ASH2L: variants seen among roughly 807,000 people sequenced by gnomAD.
ASH2L encodes the protein set1/Ash2 histone methyltransferase complex subunit ASH2.
In ASH2L, 30 loss-of-function variants were observed where a neutral mutation model predicts 81.1. The ratio of observed to expected loss-of-function variants is 0.37; its 90% CI spans 0.28 to 0.50. ASH2L has a LOEUF of 0.50. Among genes scored for constraint, ASH2L ranks in the 20% least tolerant of loss-of-function variants. The pLI is 0.95. For synonymous variants in ASH2L, 273 were observed against 279.9 expected (o/e 0.98, Z 0.24); for missense variants, 559 against 792.1 (o/e 0.71, Z 3.53).
At chr8:38,126,151 C>G (rs1801836248) in intron 10 of ASH2L, among the ~76,000 whole-genome samples, 1 of 150,940 alleles carries the variant, frequency 6.6e-6, no homozygotes. Flanking sequence ...TGCAGTGAGC[C>G]GAGGTTGCAC....
chr8:38,111,256 C>G (rs1810668473), intron 5 of ASH2L, among the ~76,000 whole-genome samples: 1 of 151,986 alleles, frequency 6.6e-6, no homozygotes, highest in Admixed American at 6.6e-5. Flanking sequence ...GAGAGAGGGT[C>G]TCTGTCACCC....
In ASH2L at chr8:38,110,374, G is replaced by A. The variant is rs1810634630; in HGVS notation, c.402-5G>A. 4.3e-6 allele frequency: 7 copies of A among 1,612,894 alleles called. No individual in the cohort carries two copies. Among genetic ancestry groups the A allele is most frequent in the African/African-American group, 1.3e-5 (1 of 74,888 alleles). On this transcript the variant is annotated splice_region_variant and splice_polypyrimidine_tract_variant and intron_variant, in intron 3 of 15. Coordinates refer to ENST00000343823, the MANE Select transcript of ASH2L (RefSeq NM_004674.5). ...ACTAATTCGTATAATTTGGCTCTTC[G>A]GCAGATCCTGTCTACCTTTCATGAC... is the stretch of plus-strand genomic sequence containing the variant.
At position 38,114,221 on chromosome 8, in the gene ASH2L, G is replaced by A; in HGVS notation, c.615G>A (p.Trp205Ter). Residue 205 changes from tryptophan to a stop codon, truncating the protein, a stop_gained, in exon 6 of 16, where the codon TGG becomes TGA. Coordinates refer to ENST00000343823, the MANE Select transcript of ASH2L (RefSeq NM_004674.5). LOFTEE classifies it high-confidence loss of function. ...TTATACCATTTATTGATAAATACTG[G>A]GAGTGCATGACAACCAGACAGAGAC... ...KDIIPFIDKY[W>*]ECMTTRQRPG... is the part of the protein sequence containing the mutation. The A allele has an allele frequency of 6.2e-7, 1 of 1,602,692 alleles. No homozygotes were observed. The highest frequency in any genetic ancestry group is 8.5e-7 in the Non-Finnish European group (1 of 1,174,372).
Position 38,114,982 on chromosome 8 carries a change from A to G in ASH2L, c.759A>G (p.Lys253=). The change falls in exon 7 of 16, where the codon AAA becomes AAG. Residue 253 remains lysine (K), a synonymous_variant. Transcript: ENST00000343823. ...AAGATCCAGAAGAAGATTACCCCAA[A>G]TTTGGACTTTTGGATCAGGTACATT... ...GSKDPEEDYP[K]FGLLDQDLSN... 2 of 1,611,136 alleles carry G rather than the reference A, an allele frequency of 1.2e-6. No homozygotes were observed.
intron 7 of ASH2L, among the ~76,000 whole-genome samples, chr8:38,115,609 C>T (rs1057219670): frequency 6.6e-6 from 1 of 151,976 alleles, no homozygotes; most frequent in Non-Finnish European, 1.5e-5. Context: ...CAAGACCAGC[C>T]TGGACAATAC....
At chr8:38,121,238 C>A in intron 10 of ASH2L, 89 bp downstream of exon 10, 3 of 1,184,908 alleles carry the variant, frequency 2.5e-6, no homozygotes, top group Non-Finnish European at 3.7e-6. Flanking sequence ...GTGTACATCT[C>A]AGTCTGTTGC....
chr8:38,135,890 G>A (rs1802231701), intron 14 of ASH2L, 124 bp downstream of exon 14: 9 of 655,438 alleles, frequency 1.4e-5, no homozygotes, highest in Non-Finnish European at 2.1e-5. Flanking sequence ...CGCATGTGTT[G>A]TTACCATTAC....
chr8:38,110,166 T>C (rs1178741161), intron 3 of ASH2L, among the ~76,000 whole-genome samples: 1 of 152,176 alleles, frequency 6.6e-6, no homozygotes, highest in Admixed American at 6.5e-5. Flanking sequence ...GAAAATTAGC[T>C]GGGCATGGTG....
At chr8:38,115,633 T>C (rs1381168479) in intron 7 of ASH2L, among the ~76,000 whole-genome samples, 1 of 151,938 alleles carries the variant, frequency 6.6e-6, no homozygotes, top group Non-Finnish European at 1.5e-5. Context: ...AAGACCTGTC[T>C]CTCAAAAAAG....
At chr8:38,138,942 C>G in intron 15 of ASH2L, 22 bp from the exon 16 acceptor site, 1 of 1,613,622 alleles carries the variant, frequency 6.2e-7, no homozygotes, top group Non-Finnish European at 8.5e-7. Context: ...TCACCGTGTT[C>G]TGTTTCTCAT....
intron 12 of ASH2L, among the ~76,000 whole-genome samples, chr8:38,131,902 A>G (rs1268784658): frequency 6.6e-6 from 1 of 150,788 alleles, no homozygotes; most frequent in East Asian, 2.0e-4. Context: ...GCTGGAGTGC[A>G]GTGGTACGCA....
intron 10 of ASH2L, 111 bp downstream of exon 10, chr8:38,121,260 C>T: frequency 1.1e-6 from 1 of 893,526 alleles, no homozygotes; most frequent in Non-Finnish European, 1.7e-6. Context: ...ACTGCCTCAC[C>T]CCCATCTCTG....
At position 38,139,147 on chromosome 8, in the gene ASH2L, A is replaced by C; in HGVS notation, c.*76A>C. ...TTGTTTTTGTTTTTGAACTGTCTCA[A>C]ATGTTCTCCCAAAGATGCTAAAAAC... On this transcript the variant is annotated 3_prime_UTR_variant, in exon 16 of 16. Transcript: ENST00000343823. 8.6e-7 allele frequency: 1 copy of C among 1,169,292 alleles called. No individual in the cohort carries two copies. The highest frequency in any genetic ancestry group is 1.2e-6 in the Non-Finnish European group (1 of 840,006). 72.4% of individuals were successfully genotyped at this position (1,169,292 alleles called of 1,614,324 possible).
At chr8:38,116,180 A>G (rs571962340) in intron 7 of ASH2L, among the ~76,000 whole-genome samples, 123 of 152,306 alleles carry the variant, frequency 8.1e-4, no homozygotes, top group Middle Eastern at 3.4e-3. Context: ...CCTAGCCAAC[A>G]TGGTGAAACC....
intron 12 of ASH2L, among the ~76,000 whole-genome samples, chr8:38,132,318 A>C (rs907384646): frequency 2.0e-5 from 3 of 152,186 alleles, no homozygotes; most frequent in Admixed American, 2.0e-4. Context: ...TTTTCTAACC[A>C]TGTTTAATAC....
intron 14 of ASH2L, among the ~76,000 whole-genome samples, chr8:38,137,076 G>C (rs1386906398): frequency 6.7e-6 from 1 of 148,930 alleles, no homozygotes; most frequent in Non-Finnish European, 1.5e-5. Context: ...CTGGGCAATA[G>C]AGTGAGACTC....
chr8:38,125,833 A>G (rs996808860), intron 10 of ASH2L, among the ~76,000 whole-genome samples: 2 of 152,170 alleles, frequency 1.3e-5, no homozygotes, highest in African/African-American at 2.4e-5. Flanking sequence ...TTGATAGCAT[A>G]TATGATGCAC....
Position 38,114,955 on chromosome 8 carries a change from T to C in ASH2L, c.732T>C (p.Ser244=). The C allele has an allele frequency of 6.2e-7, 1 of 1,613,172 alleles. No homozygotes were observed. Among genetic ancestry groups the C allele is most frequent in the South Asian group, 1.1e-5 (1 of 91,056 alleles). Residue 244 remains serine, a synonymous_variant, in exon 7 of 16, where the codon AGT becomes AGC. Coordinates refer to ENST00000343823, the MANE Select transcript of ASH2L (RefSeq NM_004674.5). ...FLVKEHPDPG[S]KDPEEDYPKF... ...TAAAGGAACACCCAGATCCAGGCAG[T>C]AAAGATCCAGAAGAAGATTACCCCA...
intron 5 of ASH2L, among the ~76,000 whole-genome samples, chr8:38,112,803 T>G (rs1810741079): frequency 6.6e-6 from 1 of 152,184 alleles, no homozygotes; most frequent in Admixed American, 6.6e-5. Flanking sequence ...CCCCATTGAT[T>G]ATCCAACCCT....
Sources: gnomAD v4.1 joint callset for allele counts (sites outside exome capture counted in the v4.1 genomes callset) on GRCh38, gnomAD v4.1.1 for gene constraint, MANE v1.5 for transcripts, NCBI Gene and HGNC (gene_info 2026-07-23, HGNC 2026-07-21) for gene names.